FAM107B: variants seen among roughly 807,000 people sequenced by gnomAD.
FAM107B encodes protein FAM107B.
FAM107B carries 21 observed loss-of-function variants against 31.5 expected under a neutral mutation model. The ratio of observed to expected loss-of-function variants is 0.67; its 90% confidence interval spans 0.47 to 0.96. The LOEUF is 0.96. Among genes scored for constraint, FAM107B ranks in the 40% least tolerant of loss-of-function variants. FAM107B has a pLI of 0.00. For missense variants in FAM107B, 452 were observed against 377.1 expected (o/e 1.20, Z -1.64); for synonymous variants, 157 against 141.5 (o/e 1.11, Z -0.78).
chr10:14,724,968 T>G (rs1489003002), intron 1 of FAM107B, among the ~76,000 whole-genome samples: 1 of 152,196 alleles, frequency 6.6e-6, no homozygotes, highest in Admixed American at 6.5e-5. Flanking sequence ...CTCCCATAAC[T>G]TCAAAAGGCT....
chr10:14,543,926 C>G (rs1014756585), intron 2 of FAM107B, among the ~76,000 whole-genome samples: 4 of 152,158 alleles, frequency 2.6e-5, no homozygotes, highest in African/African-American at 9.7e-5. Context: ...GCCTGACTGA[C>G]CTGTGGAGGG....
At chr10:14,529,573 G>A (rs1360316074) in intron 3 of FAM107B, 1 of 152,076 alleles carries the variant, frequency 6.6e-6, no homozygotes, top group Non-Finnish European at 1.5e-5. Flanking sequence ...TTAGCAAAGA[G>A]TGGGCAAATG....
At chr10:14,660,690 G>C (rs915750884) in intron 2 of FAM107B, among the ~76,000 whole-genome samples, 3 of 152,156 alleles carry the variant, frequency 2.0e-5, no homozygotes, top group African/African-American at 7.2e-5. Flanking sequence ...TATTGCATGT[G>C]GTATATGTGC....
rs1033309068 is a variant in FAM107B at position 14,519,266 on chromosome 10, T to C, written c.*1924A>G. On this transcript the variant is annotated 3_prime_UTR_variant, in exon 5 of 5. Transcript: ENST00000181796. ...CTGTGAATACGATCAAGTGGCAGAATTGCTTCGAGAATACAGATTTCAAGA... is the reference window on the plus strand; with the variant it reads ...CTGTGAATACGATCAAGTGGCAGAACTGCTTCGAGAATACAGATTTCAAGA... 8.5e-5 allele frequency: 13 copies of C among 152,244 alleles called. No homozygotes were observed. Among genetic ancestry groups the C allele is most frequent in the Admixed American group, 3.3e-4 (5 of 15,298 alleles). 9.4% of individuals were successfully genotyped at this position (152,244 alleles called of 1,614,324 possible).
intron 1 of FAM107B, among the ~76,000 whole-genome samples, chr10:14,698,387 C>T (rs1405794092): frequency 6.6e-6 from 1 of 152,206 alleles, no homozygotes; most frequent in African/African-American, 2.4e-5. Context: ...CAAAGTTCTG[C>T]TAATCCGGGA....
chr10:14,598,152 T>C (rs1193796366), intron 2 of FAM107B, among the ~76,000 whole-genome samples: 1 of 152,192 alleles, frequency 6.6e-6, no homozygotes, highest in Non-Finnish European at 1.5e-5. Context: ...GACTGTTTCC[T>C]TTGCTGTGCA....
chr10:14,720,833 A>AT (rs904221325), intron 1 of FAM107B, among the ~76,000 whole-genome samples: 17 of 151,292 alleles, frequency 1.1e-4, no homozygotes, highest in Non-Finnish European at 1.5e-4. Flanking sequence ...AAAGGAACAT[A>AT]TTTTTTTTTA....
At chr10:14,588,872 T>C (rs1259483922) in intron 2 of FAM107B, among the ~76,000 whole-genome samples, 1 of 152,052 alleles carries the variant, frequency 6.6e-6, no homozygotes, top group Non-Finnish European at 1.5e-5. Flanking sequence ...TTCATGATGT[T>C]TCCAAGAATT....
intron 2 of FAM107B, among the ~76,000 whole-genome samples, chr10:14,649,536 GAC>G (rs1256322037): frequency 6.6e-6 from 1 of 152,106 alleles, no homozygotes; most frequent in Non-Finnish European, 1.5e-5. Flanking sequence ...TCTTAACCCA[GAC>G]ACTCCCTTCT....
chr10:14,664,007 A>G (rs1378660714), intron 2 of FAM107B, among the ~76,000 whole-genome samples: 1 of 152,022 alleles, frequency 6.6e-6, no homozygotes, highest in Non-Finnish European at 1.5e-5. Context: ...CTCCCTTCAC[A>G]AATGAATTTC....
At chr10:14,761,639 AC>A (rs1351869122) in intron 1 of FAM107B, among the ~76,000 whole-genome samples, 3 of 152,068 alleles carry the variant, frequency 2.0e-5, no homozygotes, top group Non-Finnish European at 4.4e-5. Context: ...TCGGTCTGTC[AC>A]CCAGGCTGGA....
chr10:14,736,685 T>C (rs1001143694), intron 1 of FAM107B, among the ~76,000 whole-genome samples: 6 of 152,220 alleles, frequency 3.9e-5, no homozygotes, highest in Admixed American at 3.9e-4. Context: ...AATCATTAAC[T>C]GATCATTTCC....
chr10:14,595,041 A>G (rs1852140681), intron 2 of FAM107B, among the ~76,000 whole-genome samples: 1 of 151,958 alleles, frequency 6.6e-6, no homozygotes, highest in Non-Finnish European at 1.5e-5. Flanking sequence ...CTGTGATTCT[A>G]CCTGTACAAA....
intron 2 of FAM107B, among the ~76,000 whole-genome samples, chr10:14,560,131 C>G (rs1182909941): frequency 6.6e-6 from 1 of 152,058 alleles, no homozygotes; most frequent in African/African-American, 2.4e-5. Context: ...CTTGTGTACC[C>G]CACACTCTAG....
At chr10:14,761,489 A>G (rs1035255884) in intron 1 of FAM107B, among the ~76,000 whole-genome samples, 3 of 152,216 alleles carry the variant, frequency 2.0e-5, no homozygotes, top group African/African-American at 7.2e-5. Flanking sequence ...GGCTTTTTAT[A>G]AGTGAGATAA....
intron 2 of FAM107B, among the ~76,000 whole-genome samples, chr10:14,579,626 A>G (rs956655571): frequency 1.3e-5 from 2 of 152,256 alleles, no homozygotes; most frequent in African/African-American, 4.8e-5. Context: ...AAAGCACACA[A>G]GGGCAACAGA....
rs561747035 is a variant in FAM107B, at chr10:14,696,728, A to G, written c.412-29037T>C. Among the ~76,000 whole-genome samples, 6 of 152,232 alleles carry G rather than the reference A, an allele frequency of 3.9e-5. No homozygotes were observed. In the South Asian group the frequency reaches 1.2e-3, roughly 32 times the overall value. The stretch of plus-strand genomic sequence containing the variant: ...CATCGATCTCCGTCCCTTGTTAACA[A>G]ATCTCAGAAAGGTGTCTATCTCAAA... On this transcript the variant is annotated intron_variant, in intron 1 of 4. Coordinates refer to ENST00000181796, the MANE Select transcript of FAM107B (RefSeq NM_031453.4).
In FAM107B at chr10:14,583,537, C is replaced by T. The variant is rs549035206; in HGVS notation, c.470-53022G>A. ...TTCTTTCACCTGTGGAAGTCACAAG[C>T]ATGTGGCGTGGCTCTCCATTTTTAA... On this transcript the variant is annotated intron_variant, in intron 2 of 4. Transcript: ENST00000181796. Among the ~76,000 whole-genome samples the T allele has an allele frequency of 4.6e-5, 7 of 152,218 alleles. No individual in the cohort carries two copies. The South Asian group carries it at 1.5e-3, about 32-fold the overall frequency.
chr10:14,523,868 T>A (rs1243822799), intron 3 of FAM107B, among the ~76,000 whole-genome samples: 1 of 133,674 alleles, frequency 7.5e-6, no homozygotes, highest in Non-Finnish European at 1.6e-5. Context: ...ATATTCCATC[T>A]TTTTTTTTTT....
Sources: gnomAD v4.1 joint callset for allele counts (sites outside exome capture counted in the v4.1 genomes callset) on GRCh38, gnomAD v4.1.1 for gene constraint, MANE v1.5 for transcripts, NCBI Gene and HGNC (gene_info 2026-07-23, HGNC 2026-07-21) for gene names.